The following LRRC9 variants were observed in gnomAD, a reference collection of about 807,000 sequenced individuals.
LRRC9 encodes leucine-rich repeat-containing protein 9.
Under a neutral mutation model 63.2 loss-of-function variants are expected in LRRC9, and 122 were observed. That is an observed-to-expected ratio of 1.93 (90% CI 1.67 to 2.24). The LOEUF (loss-of-function observed/expected upper bound fraction) is 2.24, where lower values mean the gene tolerates loss of function less well. Among genes scored for constraint, LRRC9 ranks in the 30% most tolerant of loss-of-function variants. The probability of loss-of-function intolerance (pLI) is 0.00; values close to 1 mark genes in which losing one functional copy is unlikely to be tolerated. For synonymous variants in LRRC9, 366 were observed against 213.1 expected (o/e 1.72, Z -6.25); for missense variants, 1,071 against 627.7 (o/e 1.71, Z -7.55).
intron 1 of LRRC9, chr14:59,920,213 A>G (rs752675293): frequency 1.3e-5 from 2 of 152,410 alleles, no homozygotes; most frequent in Non-Finnish European, 2.9e-5. Flanking sequence ...GGATTGGGAA[A>G]TCGGAGTGGA....
intron 8 of LRRC9, among the ~76,000 whole-genome samples, chr14:59,956,994 A>G (rs1413541209): frequency 6.6e-6 from 1 of 152,170 alleles, no homozygotes; most frequent in Non-Finnish European, 1.5e-5. Context: ...CTGCAGAGAG[A>G]TCAGCTGTTA....
At chr14:60,041,998 A>C (rs1016617442) in intron 29 of LRRC9, among the ~76,000 whole-genome samples, 34 of 152,030 alleles carry the variant, frequency 2.2e-4, no homozygotes, top group Non-Finnish European at 2.8e-4. Context: ...GGTCTGTTGG[A>C]GTTTGCTGGA....
At position 60,003,388 on chromosome 14, in the gene LRRC9, C is replaced by T. The variant is rs914224673; in HGVS notation, c.2665-233C>T. ...GGACAAGTCCATTACTGTAATGGGA[C>T]TCTAGCACATCGCAGTGTCCTTAAT... On this transcript the variant is annotated intron_variant, in intron 20 of 31. Transcript: ENST00000445360. This position sits in a 1 kb window ranked among gnomAD's most constrained non-coding sequence, Gnocchi z 4.2. 6.6e-6 allele frequency among the ~76,000 whole-genome samples: 1 copy of T among 152,208 alleles called. No individual in the cohort carries two copies. The highest frequency in any genetic ancestry group is 2.4e-5 in the African/African-American group (1 of 41,454).
chr14:60,059,340 T>C (rs917944280), intron 31 of LRRC9, among the ~76,000 whole-genome samples: 2 of 152,218 alleles, frequency 1.3e-5, no homozygotes, highest in African/African-American at 4.8e-5. Flanking sequence ...TGATCAGTAA[T>C]CTTTTTAAGT....
chr14:60,053,383 T>TCTCACACA lies in LRRC9; in HGVS notation c.4131+179_4131+180insTCACACAC, dbSNP rs1555389140. ...GATTTGGTGAATAGAGCATGCGTGC[T>TCTCACACA]CACACACACACACACACACACACAC... On this transcript the variant is annotated intron_variant, in intron 30 of 31. Transcript: ENST00000445360. This position sits in a 1 kb window ranked among gnomAD's most constrained non-coding sequence, Gnocchi z 4.8. Among the ~76,000 whole-genome samples the TCTCACACA allele has an allele frequency of 1.2e-5, 1 of 85,618 alleles. No homozygotes were observed. Among genetic ancestry groups the TCTCACACA allele is most frequent in the Non-Finnish European group, 2.9e-5 (1 of 34,166 alleles). 56.2% of individuals were successfully genotyped at this position (85,618 alleles called of 152,430 possible). A position where few individuals can be genotyped will look rare whatever the true frequency, so the allele number is the denominator to read the frequency against.
intron 29 of LRRC9, among the ~76,000 whole-genome samples, chr14:60,040,061 T>C (rs1892810563): frequency 1.3e-5 from 2 of 151,998 alleles, no homozygotes; most frequent in Admixed American, 1.3e-4. Flanking sequence ...AGTTTCCATG[T>C]AGTTGAGCGG....
intron 29 of LRRC9, among the ~76,000 whole-genome samples, chr14:60,045,135 A>AG (rs1893305932): frequency 6.7e-6 from 1 of 149,372 alleles, no homozygotes; most frequent in Non-Finnish European, 1.5e-5. Flanking sequence ...TTTTATTTGA[A>AG]GGGGCAGGGT....
intron 17 of LRRC9, among the ~76,000 whole-genome samples, chr14:59,995,865 C>T (rs181081019): frequency 8.5e-5 from 13 of 152,244 alleles, no homozygotes; most frequent in African/African-American, 2.9e-4. Context: ...GCCTCAGCCT[C>T]CGGAGTATCT....
At chr14:60,015,184 GT>G (rs949536345) in intron 23 of LRRC9, among the ~76,000 whole-genome samples, 2 of 151,680 alleles carry the variant, frequency 1.3e-5, no homozygotes, top group African/African-American at 4.8e-5. Context: ...AAGGGTTTCT[GT>G]TTTTTTCATT....
At chr14:60,034,198 T>C (rs1330927715) in intron 29 of LRRC9, among the ~76,000 whole-genome samples, 1 of 151,716 alleles carries the variant, frequency 6.6e-6, no homozygotes, top group Non-Finnish European at 1.5e-5. Flanking sequence ...TTTGTATTTT[T>C]AGTAGAGACA....
At chr14:60,023,303 A>G (rs1006086741) in intron 27 of LRRC9, among the ~76,000 whole-genome samples, 2 of 152,044 alleles carry the variant, frequency 1.3e-5, no homozygotes, top group African/African-American at 2.4e-5. Context: ...AGTTCAGACT[A>G]TGTATTACTA....
At chr14:59,925,905 C>G (rs910672114) in intron 1 of LRRC9, among the ~76,000 whole-genome samples, 1 of 152,166 alleles carries the variant, frequency 6.6e-6, no homozygotes, top group African/African-American at 2.4e-5. Flanking sequence ...ATAATTGAAT[C>G]ATGGGGGCAG....
At chr14:59,977,063 G>C (rs1041821549) in intron 13 of LRRC9, among the ~76,000 whole-genome samples, 162 bp from the exon 14 acceptor site, 1 of 152,072 alleles carries the variant, frequency 6.6e-6, no homozygotes, top group African/African-American at 2.4e-5. Flanking sequence ...ATCTATTTTG[G>C]ATCGAGCAAT....
intron 13 of LRRC9, among the ~76,000 whole-genome samples, chr14:59,976,369 T>C (rs1225209436): frequency 6.6e-6 from 1 of 152,236 alleles, no homozygotes; most frequent in Non-Finnish European, 1.5e-5. Flanking sequence ...TGGAGACCAC[T>C]GTACTAAAGA....
At position 59,927,328 on chromosome 14, in the gene LRRC9, G is replaced by A. The variant is rs1006598992; in HGVS notation, c.-33-583G>A. Among the ~76,000 whole-genome samples the A allele has an allele frequency of 2.0e-5, 3 of 151,996 alleles. No individual in the cohort carries two copies. Among genetic ancestry groups the A allele is most frequent in the Non-Finnish European group, 2.9e-5 (2 of 67,906 alleles). On this transcript the variant is annotated intron_variant, in intron 1 of 31. Transcript: ENST00000445360. The surrounding 1 kb of genome is among the most constrained non-coding windows in gnomAD (Gnocchi z 4.4). Reference sequence around the variant, plus strand: ...ACAGAAAATATTACAAATTATGAAAGTTGGATTAAGTTTCATCCAACTGAA... The same window carrying A: ...ACAGAAAATATTACAAATTATGAAAATTGGATTAAGTTTCATCCAACTGAA...
At chr14:60,028,246 T>C in intron 28 of LRRC9, 145 bp downstream of exon 28, 1 of 578,724 alleles carries the variant, frequency 1.7e-6, no homozygotes, top group Non-Finnish European at 3.1e-6. Context: ...GTCATAGAAA[T>C]AGTCTGTGAT....
intron 17 of LRRC9, among the ~76,000 whole-genome samples, chr14:59,993,615 A>C (rs1888414808): frequency 6.6e-6 from 1 of 152,212 alleles, no homozygotes; most frequent in Admixed American, 6.5e-5. Context: ...GGGAGGGAGG[A>C]AGATCTACCA....
In LRRC9 at chr14:59,922,572, G is replaced by A. The variant is rs1277462548; in HGVS notation, c.-34+2689G>A. ...ATTCTGAAAGAGACAGATAAGGATA[G>A]GATCAATACATAGGAAAAGGGATTT... On this transcript the variant is annotated intron_variant, in intron 1 of 31. Transcript: ENST00000445360. The surrounding 1 kb of genome is among the most constrained non-coding windows in gnomAD (Gnocchi z 5.3). Among the ~76,000 whole-genome samples the A allele has an allele frequency of 6.6e-6, 1 of 152,172 alleles. No individual in the cohort carries two copies. The highest frequency in any genetic ancestry group is 2.1e-4 in the South Asian group (1 of 4,826).
intron 8 of LRRC9, among the ~76,000 whole-genome samples, chr14:59,953,896 A>G (rs1883440390): frequency 6.6e-6 from 1 of 152,158 alleles, no homozygotes; most frequent in Non-Finnish European, 1.5e-5. Context: ...CAGTTTTCTC[A>G]GCACCATTTA....
Sources: allele counts gnomAD v4.1 joint callset (sites outside exome capture counted in the v4.1 genomes callset), GRCh38; gene constraint gnomAD v4.1.1; non-coding constraint Gnocchi (gnomAD v3.1); transcripts MANE v1.5; gene names NCBI Gene and HGNC (gene_info 2026-07-23, HGNC 2026-07-21).